Variants in IFT88 observed in about 807,000 individuals in gnomAD.
IFT88 encodes intraflagellar transport 88.
Under a neutral mutation model 119.5 loss-of-function variants are expected in IFT88, and 74 were observed. That is an observed-to-expected ratio of 0.62 (90% CI 0.51 to 0.75). IFT88 has a LOEUF of 0.75. Ranked by LOEUF, IFT88 falls within the 30% of genes least tolerant of loss-of-function variation. The probability of loss-of-function intolerance (pLI) is 0.00; values close to 1 mark genes in which losing one functional copy is unlikely to be tolerated. For missense variants in IFT88, 961 were observed against 977.7 expected (o/e 0.98, Z 0.23); for synonymous variants, 279 against 316.7 (o/e 0.88, Z 1.26).
chr13:20,678,169 G>C (rs903234934), intron 24 of IFT88, among the ~76,000 whole-genome samples: 1 of 152,208 alleles, frequency 6.6e-6, no homozygotes, highest in Non-Finnish European at 1.5e-5. Context: ...CAGGGAGGTA[G>C]AGAAGAGGAT....
At chr13:20,590,512 G>C (rs2040479598) in intron 4 of IFT88, among the ~76,000 whole-genome samples, 1 of 152,106 alleles carries the variant, frequency 6.6e-6, no homozygotes, top group African/African-American at 2.4e-5. Context: ...GAAGAAAGTA[G>C]CCTTGTACAT....
chr13:20,601,516 A>G (rs956714524), intron 11 of IFT88, among the ~76,000 whole-genome samples, 189 bp from the exon 12 acceptor site: 2 of 152,166 alleles, frequency 1.3e-5, no homozygotes, highest in African/African-American at 2.4e-5. Flanking sequence ...ATACAGCAAT[A>G]ATTATCGAAT....
At chr13:20,573,267 A>AT (rs1271416323) in intron 1 of IFT88, among the ~76,000 whole-genome samples, 1 of 114,956 alleles carries the variant, frequency 8.7e-6, no homozygotes, top group Non-Finnish European at 2.0e-5. Flanking sequence ...AATCAACGTT[A>AT]TTTTTTTAAA....
intron 22 of IFT88, among the ~76,000 whole-genome samples, chr13:20,662,721 A>G (rs938542143): frequency 1.3e-5 from 2 of 150,444 alleles, no homozygotes; most frequent in African/African-American, 2.5e-5. Context: ...CATTCTTACA[A>G]ATGTAAAGAC....
intron 14 of IFT88, among the ~76,000 whole-genome samples, chr13:20,619,553 T>C (rs1175568775): frequency 6.6e-6 from 1 of 152,208 alleles, no homozygotes; most frequent in Non-Finnish European, 1.5e-5. Flanking sequence ...CATGTAGCTG[T>C]GGTTTGTTCA....
At chr13:20,572,551 A>G (rs1464083369) in intron 1 of IFT88, among the ~76,000 whole-genome samples, 1 of 152,174 alleles carries the variant, frequency 6.6e-6, no homozygotes, top group African/African-American at 2.4e-5. Context: ...TTTAAGCTAA[A>G]TTACAGCTAT....
intron 2 of IFT88, among the ~76,000 whole-genome samples, chr13:20,580,917 A>T (rs1367957181): frequency 6.6e-6 from 1 of 151,646 alleles, no homozygotes; most frequent in African/African-American, 2.4e-5. Context: ...AGTAGAGATG[A>T]GGTTTCACCG....
At chr13:20,591,978 A>G (rs529901597) in intron 6 of IFT88, among the ~76,000 whole-genome samples, 15 of 152,338 alleles carry the variant, frequency 9.8e-5, no homozygotes, top group African/African-American at 3.6e-4. Flanking sequence ...TGGTATGCCA[A>G]TAAGGAAAAT....
chr13:20,596,386 T>C (rs1295625284), intron 8 of IFT88, 146 bp downstream of exon 8: 1 of 347,668 alleles, frequency 2.9e-6, no homozygotes. Flanking sequence ...AACCAGGAAT[T>C]GTAACTCAGT....
At chr13:20,581,792 G>A (rs1008796249) in intron 2 of IFT88, among the ~76,000 whole-genome samples, 2 of 150,952 alleles carry the variant, frequency 1.3e-5, no homozygotes, top group African/African-American at 2.4e-5. Flanking sequence ...AGTTGAGGCT[G>A]CGGTGAGCTG....
chr13:20,670,820 CTT>C (rs397959694), intron 23 of IFT88, among the ~76,000 whole-genome samples, 151 bp from the exon 24 acceptor site: 2 of 142,544 alleles, frequency 1.4e-5, no homozygotes, highest in Non-Finnish European at 1.5e-5. Context: ...ACAACTCAGG[CTT>C]TTTTTTTTTT....
At chr13:20,649,034 T>C (rs1051362269) in intron 20 of IFT88, among the ~76,000 whole-genome samples, 10 of 152,202 alleles carry the variant, frequency 6.6e-5, no homozygotes, top group Admixed American at 5.2e-4. Flanking sequence ...AAAATTGATA[T>C]AATTAAAGGG....
At chr13:20,684,477 C>T (rs1014182046) in intron 24 of IFT88, among the ~76,000 whole-genome samples, 9 of 152,204 alleles carry the variant, frequency 5.9e-5, no homozygotes, top group Non-Finnish European at 1.3e-4. Context: ...TCCTCCTTGT[C>T]ATCTATATAG....
At chr13:20,578,100 A>C (rs2138120939) in intron 2 of IFT88, among the ~76,000 whole-genome samples, 1 of 119,742 alleles carries the variant, frequency 8.4e-6, no homozygotes, top group Non-Finnish European at 1.6e-5. Context: ...GCTGGAGTGC[A>C]GTGGTGCAAT....
At chr13:20,665,690 C>T (rs1006493653) in intron 23 of IFT88, among the ~76,000 whole-genome samples, 1 of 152,228 alleles carries the variant, frequency 6.6e-6, no homozygotes, top group African/African-American at 2.4e-5. Flanking sequence ...GTTAGCCTCT[C>T]TGTTGTTTCG....
intron 3 of IFT88, among the ~76,000 whole-genome samples, chr13:20,586,946 G>C (rs1319333322): frequency 6.6e-6 from 1 of 151,462 alleles, no homozygotes; most frequent in Non-Finnish European, 1.5e-5. Context: ...TTATGATTTA[G>C]TTCAAAATAT....
At chr13:20,611,854 C>A (rs949447146) in intron 13 of IFT88, among the ~76,000 whole-genome samples, 40 of 152,128 alleles carry the variant, frequency 2.6e-4, no homozygotes, top group Non-Finnish European at 5.9e-4. Context: ...GATCCACCCA[C>A]CTTGGCCTCC....
chr13:20,690,590 C>T, intron 24 of IFT88, 115 bp from the exon 25 acceptor site: 2 of 658,514 alleles, frequency 3.0e-6, no homozygotes, highest in Non-Finnish European at 5.4e-6. Flanking sequence ...AAGCTGGCTT[C>T]CAAATTAAAC....
At chr13:20,581,973 T>C (rs980433040) in intron 2 of IFT88, among the ~76,000 whole-genome samples, 5 of 152,238 alleles carry the variant, frequency 3.3e-5, no homozygotes, top group Admixed American at 6.5e-5. Flanking sequence ...TTTTGATTAT[T>C]TTCAAATTTT....
Sources: gnomAD v4.1 joint callset for allele counts (sites outside exome capture counted in the v4.1 genomes callset) on GRCh38, gnomAD v4.1.1 for gene constraint, MANE v1.5 for transcripts, NCBI Gene and HGNC (gene_info 2026-07-23, HGNC 2026-07-21) for gene names.